The following OTOGL variants were observed in gnomAD, a reference collection of about 807,000 sequenced individuals.
OTOGL encodes otogelin-like protein.
Under a neutral mutation model 318.5 loss-of-function variants are expected in OTOGL, and 285 were observed. The ratio of observed to expected loss-of-function variants is 0.89; its 90% CI spans 0.81 to 0.99. The LOEUF (loss-of-function observed/expected upper bound fraction) is 0.99. Ranked by LOEUF, OTOGL falls within the 50% of genes least tolerant of loss-of-function variation. OTOGL has a pLI of 0.00. For missense variants in OTOGL, 2,899 were observed against 2,845.6 expected, an observed-to-expected ratio of 1.02 and a Z score of -0.43; for synonymous variants, 987 against 936.5, an observed-to-expected ratio of 1.05 and a Z score of -0.99.
At chr12:80,202,220 G>T (rs1393109259) in intron 1 of OTOGL, among the ~76,000 whole-genome samples, 1 of 151,792 alleles carries the variant, frequency 6.6e-6, no homozygotes, top group East Asian at 1.9e-4. Context: ...TCCCGTTCGG[G>T]TTTTCACTTA....
At chr12:80,135,003 A>T (rs942206675) in intron 1 of OTOGL, among the ~76,000 whole-genome samples, 11 of 152,114 alleles carry the variant, frequency 7.2e-5, no homozygotes, top group Non-Finnish European at 1.5e-4. Flanking sequence ...TCTAGCTAAA[A>T]CATGGCTCTC....
intron 20 of OTOGL, chr12:80,266,119 G>C (rs553194988): frequency 5.1e-6 from 1 of 196,974 alleles, no homozygotes; most frequent in African/African-American, 2.3e-5. Context: ...TTGTCTGTGT[G>C]TTGTCTATGG....
At chr12:80,145,920 C>T (rs915553373) in intron 1 of OTOGL, among the ~76,000 whole-genome samples, 3 of 147,974 alleles carry the variant, frequency 2.0e-5, no homozygotes, top group Non-Finnish European at 4.4e-5. Flanking sequence ...TATCCTGAGA[C>T]TTTGCTGAAA....
intron 11 of OTOGL, among the ~76,000 whole-genome samples, chr12:80,241,012 A>C (rs968175378): frequency 6.6e-6 from 1 of 152,122 alleles, no homozygotes; most frequent in East Asian, 1.9e-4. Context: ...AAGAAGTATA[A>C]GTGATACATA....
intron 1 of OTOGL, among the ~76,000 whole-genome samples, chr12:80,157,688 T>C (rs536462021): frequency 6.6e-6 from 1 of 152,336 alleles, no homozygotes; most frequent in East Asian, 1.9e-4. Flanking sequence ...AGACCATTTT[T>C]ACCCCAGTGC....
At chr12:80,260,071 C>G (rs1009239891) in intron 18 of OTOGL, among the ~76,000 whole-genome samples, 1 of 152,042 alleles carries the variant, frequency 6.6e-6, no homozygotes, top group Middle Eastern at 3.4e-3. Flanking sequence ...TGTCCTTGGT[C>G]TTTGTATTCT....
chr12:80,103,205 G>T, intron 1 of OTOGL: 2 of 1,417,426 alleles, frequency 1.4e-6, no homozygotes, highest in South Asian at 1.1e-5. Flanking sequence ...TGGATCGCTC[G>T]TTGTACTTCT....
intron 1 of OTOGL, among the ~76,000 whole-genome samples, chr12:80,165,878 T>C (rs1212796698): frequency 6.6e-6 from 1 of 152,202 alleles, no homozygotes; most frequent in Non-Finnish European, 1.5e-5. Context: ...CATTTGTACA[T>C]AGTCCCTTCA....
At chr12:80,110,362 C>T (rs1174121676) in intron 1 of OTOGL, among the ~76,000 whole-genome samples, 3 of 152,162 alleles carry the variant, frequency 2.0e-5, no homozygotes, top group Non-Finnish European at 4.4e-5. Flanking sequence ...CCACTGCATC[C>T]AGCCTACATT....
In OTOGL at chr12:80,266,371, T is replaced by C. The variant is rs575970397; in HGVS notation, c.2225-80T>C. The C allele has an allele frequency of 4.9e-6, 7 of 1,422,160 alleles. No individual in the cohort carries two copies. The East Asian group carries it at 1.7e-4, about 34-fold the overall frequency. 88.1% of individuals were successfully genotyped at this position (1,422,160 alleles called of 1,614,324 possible). ...TTGTAACAGGCCAGCTTTCATTTTC[T>C]ATCATAGACCTCTAAGGAGGCATAA... On this transcript the variant is annotated intron_variant, in intron 20 of 58. Coordinates refer to ENST00000547103, the MANE Select transcript of OTOGL (RefSeq NM_001378609.3).
At chr12:80,358,626 C>A (rs772074740) in intron 50 of OTOGL, 45 bp from the exon 51 acceptor site, 1 of 1,436,708 alleles carries the variant, frequency 7.0e-7, no homozygotes, top group Admixed American at 1.8e-5. Flanking sequence ...TGAGAAATGG[C>A]AACTCTATAA....
At chr12:80,309,578 G>A (rs977812491) in intron 29 of OTOGL, among the ~76,000 whole-genome samples, 2 of 152,202 alleles carry the variant, frequency 1.3e-5, no homozygotes, top group African/African-American at 4.8e-5. Context: ...CAAGGGCCAA[G>A]AGGCTCTTAT....
chr12:80,315,874 G>A (rs894940479), intron 32 of OTOGL, among the ~76,000 whole-genome samples: 3 of 152,030 alleles, frequency 2.0e-5, no homozygotes, highest in Non-Finnish European at 2.9e-5. Flanking sequence ...TGCCACACAC[G>A]TGCATGCATA....
intron 1 of OTOGL, among the ~76,000 whole-genome samples, chr12:80,143,770 CAG>C (rs1190071546): frequency 6.6e-6 from 1 of 152,080 alleles, no homozygotes. Flanking sequence ...GAGTAACTAA[CAG>C]AACATGGACA....
At chr12:80,140,130 C>T (rs974249362) in intron 1 of OTOGL, among the ~76,000 whole-genome samples, 7 of 152,268 alleles carry the variant, frequency 4.6e-5, no homozygotes, top group Admixed American at 1.3e-4. Context: ...TTACTTTGTT[C>T]TCTCTATTGA....
At chr12:80,113,996 C>T (rs918964874) in intron 1 of OTOGL, among the ~76,000 whole-genome samples, 2 of 151,868 alleles carry the variant, frequency 1.3e-5, no homozygotes, top group African/African-American at 4.8e-5. Context: ...TTATTTTGAG[C>T]CTATGTGTGT....
At chr12:80,297,803 A>G (rs751841207) in intron 27 of OTOGL, among the ~76,000 whole-genome samples, 9 of 152,110 alleles carry the variant, frequency 5.9e-5, no homozygotes, top group Non-Finnish European at 8.8e-5. Flanking sequence ...AAGGTGGAGC[A>G]TCTTATTAGT....
intron 23 of OTOGL, among the ~76,000 whole-genome samples, chr12:80,271,060 A>G (rs1428802578): frequency 6.6e-6 from 1 of 152,126 alleles, no homozygotes; most frequent in East Asian, 1.9e-4. Flanking sequence ...ATGTTTATGG[A>G]CCACACACAT....
chr12:80,285,994 T>C (rs926739293), intron 26 of OTOGL, among the ~76,000 whole-genome samples: 2 of 152,226 alleles, frequency 1.3e-5, no homozygotes, highest in South Asian at 4.1e-4. Flanking sequence ...TTCAGTATGA[T>C]ATTGGCTATG....
Sources: gnomAD v4.1 joint callset for allele counts (sites outside exome capture counted in the v4.1 genomes callset) on GRCh38, gnomAD v4.1.1 for gene constraint, MANE v1.5 for transcripts, NCBI Gene and HGNC (gene_info 2026-07-23, HGNC 2026-07-21) for gene names.